Variants in ZCCHC2 observed in about 807,000 individuals in gnomAD.
ZCCHC2 encodes zinc finger CCHC domain-containing protein 2.
Under a neutral mutation model 103.6 loss-of-function variants are expected in ZCCHC2, and 39 were observed. The ratio of observed to expected loss-of-function variants is 0.38; its 90% CI spans 0.29 to 0.49. The LOEUF is 0.49. ZCCHC2 is among the 20% of genes least tolerant of loss of function. ZCCHC2 has a pLI of 0.96. For missense variants in ZCCHC2, 1,483 were observed against 1,491.0 expected (o/e 0.99, Z 0.09); for synonymous variants, 687 against 608.9 (o/e 1.13, Z -1.89).
chr18:62,541,136 A>T (rs11876857), intron 2 of ZCCHC2, among the ~76,000 whole-genome samples: 286 of 152,330 alleles, frequency 1.9e-3, no homozygotes, highest in African/African-American at 6.6e-3. Context: ...TGGAAACAGC[A>T]TACCCTCCCA....
intron 1 of ZCCHC2, among the ~76,000 whole-genome samples, chr18:62,539,158 G>C (rs1005647713): frequency 6.6e-6 from 1 of 152,168 alleles, no homozygotes; most frequent in African/African-American, 2.4e-5. Flanking sequence ...TAGGTTTAGA[G>C]CACCCAGTTG....
chr18:62,574,024 G>C lies in ZCCHC2; in HGVS notation c.1976-33G>C, dbSNP rs79924368. The C allele has an allele frequency of 1.7e-3, 2,694 of 1,579,348 alleles. 41 individuals are homozygous for C. The African/African-American group carries it at 0.033, about 19-fold the overall frequency. ...AGCAAGAAAGATGGGAGTTATGCCC[G>C]TGTTAATATCTCTTTATGTTTGTTT... On this transcript the variant is annotated intron_variant, in intron 12 of 13. Transcript: ENST00000269499.
In ZCCHC2 at chr18:62,539,802, C is replaced by CT. The variant is rs763052526; in HGVS notation, c.1051+16dup. ...AGAGCTCAGCGAGAAGGTATGCTCT[C>CT]TTTTTTGTAAACTTAAAGCATTAAT... On this transcript the variant is annotated intron_variant, in intron 2 of 13. Transcript: ENST00000269499. The CT allele has an allele frequency of 9.4e-6, 15 of 1,590,800 alleles. No individual in the cohort carries two copies. The highest frequency in any genetic ancestry group is 1.3e-5 in the Non-Finnish European group (15 of 1,166,008).
intron 14 of ZCCHC2, among the ~76,000 whole-genome samples, chr18:62,583,991 G>A (rs1485610235): frequency 6.6e-6 from 1 of 152,086 alleles, no homozygotes; most frequent in East Asian, 1.9e-4. Flanking sequence ...GCTCATTAAC[G>A]TATTGGCTTG....
intron 11 of ZCCHC2, among the ~76,000 whole-genome samples, chr18:62,568,886 T>C (rs1273709954): frequency 6.6e-6 from 1 of 152,242 alleles, no homozygotes; most frequent in African/African-American, 2.4e-5. Context: ...CCCGTTAGCT[T>C]GTCTTCAAGC....
chr18:62,543,630 C>G (rs886607607), intron 3 of ZCCHC2, among the ~76,000 whole-genome samples: 7 of 152,190 alleles, frequency 4.6e-5, no homozygotes, highest in African/African-American at 1.4e-4. Context: ...CCCATTTCCC[C>G]AGACCGAGGA....
chr18:62,540,831 CT>C (rs1387195944), intron 2 of ZCCHC2, among the ~76,000 whole-genome samples: 1 of 152,118 alleles, frequency 6.6e-6, no homozygotes. Flanking sequence ...GTTGGGGGTA[CT>C]TTCACTATGG....
chr18:62,544,738 C>CT lies in ZCCHC2; in HGVS notation c.1129-58dup, dbSNP rs1376933820. Reference sequence around the variant, plus strand: ...TAAGGCCCTTTGTTTTTGCACATGGCTTTTTTCTAGCCGGTTCCTGCCTAG... The same window carrying CT: ...TAAGGCCCTTTGTTTTTGCACATGGCTTTTTTTCTAGCCGGTTCCTGCCTAG... On this transcript the variant is annotated intron_variant, in intron 3 of 13. Transcript: ENST00000269499. 10 of 1,409,566 alleles carry CT rather than the reference C, an allele frequency of 7.1e-6. No individual in the cohort carries two copies. In the Admixed American group the frequency reaches 2.4e-4, roughly 34 times the overall value. The allele number at this position is 1,409,566 out of a possible 1,614,324, so 87.3% of individuals were successfully genotyped here.
chr18:62,553,252 T>C (rs911171145), intron 5 of ZCCHC2, among the ~76,000 whole-genome samples: 6 of 151,912 alleles, frequency 3.9e-5, no homozygotes, highest in Non-Finnish European at 7.4e-5. Flanking sequence ...TTAATACTTT[T>C]CTGCCACTTT....
intron 1 of ZCCHC2, among the ~76,000 whole-genome samples, chr18:62,531,791 TAAA>T (rs11315078): frequency 3.3e-4 from 37 of 113,456 alleles, no homozygotes; most frequent in Admixed American, 4.5e-4. Context: ...CTACAAAAAG[TAAA>T]AAAAAAAAAA....
In ZCCHC2 at chr18:62,524,359, C is replaced by T. The variant is rs1171919305; in HGVS notation, c.935C>T (p.Ala312Val). 4 of 1,518,240 alleles carry T rather than the reference C, an allele frequency of 2.6e-6. No homozygotes were observed. The highest frequency in any genetic ancestry group is 2.1e-5 in the Admixed American group (1 of 47,334). The allele number at this position is 1,518,240 out of a possible 1,614,324, so 94.0% of individuals were successfully genotyped here. A position where few individuals can be genotyped will look rare whatever the true frequency, so the allele number is the denominator to read the frequency against. Residue 312 changes from alanine to valine, a missense_variant, in exon 1 of 14, where the codon GCC becomes GTC. Around this residue, in one of 3 missense-constraint regions of ZCCHC2, gnomAD observed 568 missense variants for 525.1 expected, o/e 1.08. Transcript: ENST00000269499. ...VEPCKFAGPRAQNNSAHGDYM... is the reference protein window; with the variant it reads ...VEPCKFAGPRVQNNSAHGDYM... ...CCGTGCAAGTTTGCCGGCCCCAGGG[C>T]CCAGGTAAGGCGCACGGAGCCTCCC...
downstream of ZCCHC2, among the ~76,000 whole-genome samples, chr18:62,582,517 A>G (rs1417178461): frequency 6.6e-6 from 1 of 152,094 alleles, no homozygotes; most frequent in Non-Finnish European, 1.5e-5. Context: ...GAATCTACCA[A>G]AAACACAAAA....
At chr18:62,564,510 G>T in intron 9 of ZCCHC2, 61 bp from the exon 10 acceptor site, 4 of 1,173,850 alleles carry the variant, frequency 3.4e-6, no homozygotes, top group South Asian at 1.6e-5. Flanking sequence ...TTTATTATGA[G>T]AGTAAAAACG....
chr18:62,533,329 C>T (rs1251482294), intron 1 of ZCCHC2, among the ~76,000 whole-genome samples: 1 of 151,582 alleles, frequency 6.6e-6, no homozygotes. Flanking sequence ...AGTTCGATAC[C>T]AGACTGGCCA....
intron 5 of ZCCHC2, among the ~76,000 whole-genome samples, chr18:62,554,067 T>A (rs1915776905): frequency 6.6e-6 from 1 of 152,222 alleles, no homozygotes; most frequent in Non-Finnish European, 1.5e-5. Flanking sequence ...ACTTCCTTTT[T>A]AAAAAAATCT....
exon 15 of ZCCHC2, chr18:62,585,762 A>T (rs1183664893): frequency 6.6e-6 from 1 of 152,260 alleles, no homozygotes; most frequent in East Asian, 1.9e-4. Flanking sequence ...ACTCTCAAGA[A>T]GTTTGTCATG....
In ZCCHC2 at chr18:62,539,744, A is replaced by G. The variant is rs762954882; in HGVS notation, c.1003A>G (p.Ile335Val). Residue 335 changes from isoleucine to valine, a missense_variant, in exon 2 of 14, where the codon ATA (isoleucine) becomes GTA (valine). By Grantham distance (29) the Ile-to-Val change is conservative. Around this residue, in one of 3 missense-constraint regions of ZCCHC2, gnomAD observed 568 missense variants for 525.1 expected, o/e 1.08. Coordinates refer to ENST00000269499, the MANE Select transcript of ZCCHC2 (RefSeq NM_017742.6). Reference protein sequence around the residue: ...NESSLIEQAPIPQDGLTVAPH... With the variant: ...NESSLIEQAPVPQDGLTVAPH... The stretch of plus-strand genomic sequence containing the variant: ...GAGCAGCTTAATAGAGCAAGCTCCA[A>G]TACCTCAGGACGGACTTACCGTGGC... 4 of 1,608,478 alleles carry G rather than the reference A, an allele frequency of 2.5e-6. No individual in the cohort carries two copies. The highest frequency in any genetic ancestry group is 3.4e-6 in the Non-Finnish European group (4 of 1,177,442).
chr18:62,535,673 A>G (rs1914892974), intron 1 of ZCCHC2, among the ~76,000 whole-genome samples: 1 of 152,204 alleles, frequency 6.6e-6, no homozygotes, highest in African/African-American at 2.4e-5. Context: ...CAGGAGGCCC[A>G]GGGCTGAGGC....
Position 62,523,482 on chromosome 18 carries a change from G to C in ZCCHC2, c.58G>C (p.Ala20Pro), listed in dbSNP as rs1452615065. 6 of 1,067,564 alleles carry C rather than the reference G, an allele frequency of 5.6e-6. No homozygotes were observed. Among genetic ancestry groups the C allele is most frequent in the Non-Finnish European group, 6.9e-6 (6 of 873,136 alleles). 66.1% of individuals were successfully genotyped at this position (1,067,564 alleles called of 1,614,324 possible). Residue 20 changes from alanine (A) to proline (P), a missense_variant, in exon 1 of 14, where the codon GCG (alanine) becomes CCG (proline). This residue lies in a region of ZCCHC2 where 568 missense variants were observed against 525.1 expected (regional missense o/e 1.08). Transcript: ENST00000269499. ...GCACCCCGCGGAGCCGCCGCCCGAGGCGGAGGAGCCCGAGGCGGACGCGCG... is the reference window on the plus strand; with the variant it reads ...GCACCCCGCGGAGCCGCCGCCCGAGCCGGAGGAGCCCGAGGCGGACGCGCG... ...PTHPAEPPPE[A>P]EEPEADARPG...
Sources: gnomAD v4.1 joint callset for allele counts (sites outside exome capture counted in the v4.1 genomes callset) on GRCh38, gnomAD v4.1.1 for gene constraint, gnomAD v4.1.1 regional missense constraint, MANE v1.5 for transcripts, NCBI Gene and HGNC (gene_info 2026-07-23, HGNC 2026-07-21) for gene names.